PPARGC1A: variants seen among roughly 807,000 people sequenced by gnomAD.
The protein encoded by PPARGC1A is PPARG coactivator 1 alpha.
In PPARGC1A, 25 loss-of-function variants were observed where a neutral mutation model predicts 88.7. That is an observed-to-expected ratio of 0.28 (90% CI 0.21 to 0.39). The LOEUF is 0.39. PPARGC1A is among the 10% of genes least tolerant of loss of function. The pLI, the probability that PPARGC1A is intolerant of heterozygous loss-of-function variation, is 1.00. For missense variants in PPARGC1A, 880 were observed against 968.7 expected, an observed-to-expected ratio of 0.91 and a Z score of 1.22; for synonymous variants, 363 against 355.6, an observed-to-expected ratio of 1.02 and a Z score of -0.24.
the PPARGC1A span, among the ~76,000 whole-genome samples, chr4:24,365,872 G>T: frequency 6.6e-6 from 1 of 152,052 alleles, no homozygotes; most frequent in Non-Finnish European, 1.5e-5. Flanking sequence ...CAAGCTATAG[G>T]CAGATGATTG....
At chr4:24,079,866 T>G in the PPARGC1A span, among the ~76,000 whole-genome samples, 3 of 152,054 alleles carry the variant, frequency 2.0e-5, no homozygotes, top group Non-Finnish European at 4.4e-5. Context: ...GCTCTTATAT[T>G]CAATAGTCTG....
At chr4:24,074,995 G>T in the PPARGC1A span, among the ~76,000 whole-genome samples, 1 of 152,108 alleles carries the variant, frequency 6.6e-6, no homozygotes, top group Non-Finnish European at 1.5e-5. Context: ...TGAGCCCTAA[G>T]CATCTCCAGC....
the PPARGC1A span, among the ~76,000 whole-genome samples, chr4:24,021,508 T>G: frequency 1.3e-5 from 2 of 151,918 alleles, no homozygotes; most frequent in Non-Finnish European, 2.9e-5. Flanking sequence ...GTACATATTA[T>G]CTAGTGGGGT....
chr4:24,057,584 C>T, the PPARGC1A span, among the ~76,000 whole-genome samples: 1 of 152,036 alleles, frequency 6.6e-6, no homozygotes, highest in African/African-American at 2.4e-5. Context: ...GAATGTTGAA[C>T]CATTGGCATA....
chr4:24,351,409 G>T, the PPARGC1A span, among the ~76,000 whole-genome samples: 2 of 143,850 alleles, frequency 1.4e-5, no homozygotes, highest in African/African-American at 5.1e-5. Context: ...AAAAAAAAAA[G>T]AAAAGAAAAA....
At chr4:23,962,544 C>G in the PPARGC1A span, among the ~76,000 whole-genome samples, 1 of 152,136 alleles carries the variant, frequency 6.6e-6, no homozygotes, top group Non-Finnish European at 1.5e-5. Context: ...CTTCCTAATT[C>G]CAAATCCAAA....
chr4:23,828,659 T>C, intron 4 of PPARGC1A, 55 bp from the exon 5 acceptor site: 1 of 1,511,342 alleles, frequency 6.6e-7, no homozygotes, highest in South Asian at 1.1e-5. Flanking sequence ...CTTATCAGAA[T>C]GGATATAGGT....
chr4:24,287,483 C>G, the PPARGC1A span, among the ~76,000 whole-genome samples: 1 of 152,126 alleles, frequency 6.6e-6, no homozygotes, highest in South Asian at 2.1e-4. Flanking sequence ...AGCCACTTAT[C>G]TATGAATAAG....
At chr4:24,446,321 A>T in the PPARGC1A span, among the ~76,000 whole-genome samples, 1 of 152,164 alleles carries the variant, frequency 6.6e-6, no homozygotes, top group African/African-American at 2.4e-5. Context: ...CATTTCCCTG[A>T]TGATTAGTGC....
At chr4:23,868,980 C>T (rs1712672525) in intron 2 of PPARGC1A, among the ~76,000 whole-genome samples, 1 of 152,208 alleles carries the variant, frequency 6.6e-6, no homozygotes, top group Non-Finnish European at 1.5e-5. Context: ...TGGATACTCT[C>T]CTTTCCACTG....
the PPARGC1A span, among the ~76,000 whole-genome samples, chr4:24,387,832 G>GAAAGAAAGAA: frequency 4.0e-5 from 4 of 100,438 alleles, no homozygotes; most frequent in Non-Finnish European, 9.6e-5. Context: ...AAGAGAGAAA[G>GAAAGAAAGAA]AGAGAAAGAG....
chr4:23,980,564 C>T, the PPARGC1A span, among the ~76,000 whole-genome samples: 82 of 152,226 alleles, frequency 5.4e-4, 1 homozygote, highest in African/African-American at 2.0e-3. Flanking sequence ...GAAAAAAATA[C>T]AATCGAAGGG....
In PPARGC1A at chr4:23,813,012, C is replaced by T. The variant is rs746172592; in HGVS notation, c.1898+9G>A. The T allele has an allele frequency of 5.6e-5, 90 of 1,613,358 alleles. No individual in the cohort carries two copies. The highest frequency in any genetic ancestry group is 7.6e-5 in the Non-Finnish European group (90 of 1,179,536). ...AAGGGAGCTAAAGGAAAATGACATG[C>T]CTCATTACCTGGGCCGACGGCTGTA... On this transcript the variant is annotated intron_variant, in intron 9 of 12. Transcript: ENST00000264867.
the PPARGC1A span, among the ~76,000 whole-genome samples, chr4:24,315,182 GCTTA>G: frequency 1.7e-3 from 260 of 152,228 alleles, no homozygotes; most frequent in Non-Finnish European, 2.8e-3. Flanking sequence ...CTTCTAACTT[GCTTA>G]CTAATTCTAA....
the PPARGC1A span, among the ~76,000 whole-genome samples, chr4:23,928,902 T>C: frequency 6.6e-6 from 1 of 152,086 alleles, no homozygotes; most frequent in African/African-American, 2.4e-5. Flanking sequence ...CTGCTTGTTC[T>C]TGTTTATAAG....
chr4:24,412,621 C>A, the PPARGC1A span, among the ~76,000 whole-genome samples: 2 of 152,140 alleles, frequency 1.3e-5, no homozygotes, highest in Non-Finnish European at 2.9e-5. Context: ...GCTGGGATTA[C>A]AGGCGACCAC....
chr4:23,933,561 A>G, the PPARGC1A span, among the ~76,000 whole-genome samples: 1 of 152,330 alleles, frequency 6.6e-6, no homozygotes, highest in South Asian at 2.1e-4. Flanking sequence ...GGAAAGAAGA[A>G]AGGAAACATG....
At chr4:24,369,174 C>T in the PPARGC1A span, among the ~76,000 whole-genome samples, 3 of 152,252 alleles carry the variant, frequency 2.0e-5, no homozygotes, top group African/African-American at 4.8e-5. Flanking sequence ...ACATGGATAA[C>T]GGTCACCTCC....
the PPARGC1A span, among the ~76,000 whole-genome samples, chr4:24,213,405 A>G: frequency 1.3e-5 from 2 of 151,934 alleles, no homozygotes; most frequent in Non-Finnish European, 2.9e-5. Flanking sequence ...TGACCTCGTG[A>G]TCCGCCCGCC....
Sources: allele counts gnomAD v4.1 joint callset (sites outside exome capture counted in the v4.1 genomes callset), GRCh38; gene constraint gnomAD v4.1.1; transcripts MANE v1.5; gene names NCBI Gene and HGNC (gene_info 2026-07-23, HGNC 2026-07-21).